The following ZNF425 variants were observed in gnomAD, a reference collection of about 807,000 sequenced individuals.
ZNF425 encodes zinc finger protein 425.
ZNF425 carries 21 observed loss-of-function variants against 17.0 expected under a neutral mutation model. That is an observed-to-expected ratio of 1.23 (90% CI 0.88 to 1.78). The LOEUF (loss-of-function observed/expected upper bound fraction) is 1.78. Among genes scored for constraint, ZNF425 ranks in the 40% most tolerant of loss-of-function variants. The pLI is 0.00. For synonymous variants in ZNF425, 433 were observed against 384.1 expected (o/e 1.13, Z -1.49); for missense variants, 868 against 967.3 (o/e 0.90, Z 1.36).
rs773589606 is a variant in ZNF425 at position 149,103,562 on chromosome 7, G to A, written c.*50C>T. The A allele has an allele frequency of 1.3e-6, 2 of 1,532,392 alleles. No homozygotes were observed. Among genetic ancestry groups the A allele is most frequent in the Middle Eastern group, 1.8e-4 (1 of 5,596 alleles). The allele number at this position is 1,532,392 out of a possible 1,614,324, so 94.9% of individuals were successfully genotyped here. A position where few individuals can be genotyped will look rare whatever the true frequency, so the allele number is the denominator to read the frequency against. ...ACCTGCCTCAACTTGAGCCAACAGA[G>A]CTGCTGGCACCTCCTGAAAGCCGAC... is the stretch of plus-strand genomic sequence containing the variant. On this transcript the variant is annotated 3_prime_UTR_variant, in exon 4 of 4. Coordinates refer to ENST00000378061, the MANE Select transcript of ZNF425 (RefSeq NM_001001661.3).
intron 2 of ZNF425, among the ~76,000 whole-genome samples, chr7:149,117,128 G>A (rs1413852293): frequency 6.6e-6 from 1 of 151,960 alleles, no homozygotes; most frequent in African/African-American, 2.4e-5. Context: ...AGCCAGCGCG[G>A]TGGCGGGCAC....
rs758153235 is a variant in ZNF425, at chr7:149,104,819, T to TG, written c.1051dup (p.Gln351ProfsTer40). The stretch of plus-strand genomic sequence containing the variant: ...GTGGAAGGGCCTCTTCCCGCTGTGC[T>TG]GGGTCAGATGGACCTTCATGCCCCT... On this transcript the variant is annotated frameshift_variant, in exon 4 of 4. Transcript: ENST00000378061. LOFTEE classifies it low-confidence loss of function (END_TRUNC). The surrounding 1 kb of genome is among the most constrained non-coding windows in gnomAD (Gnocchi z 4.3). 3.1e-6 allele frequency: 5 copies of TG among 1,613,842 alleles called. No homozygotes were observed. The South Asian group carries it at 5.5e-5, about 18-fold the overall frequency.
In ZNF425 at chr7:149,104,335, C is replaced by G. The variant is rs2129517674; in HGVS notation, c.1536G>C (p.Arg512=). ...TGTGGACCTTCAGGTGCTGCGTGAG[C>G]CGCGACTGCTGAGAAAAGGTCTTTT... The part of the protein sequence containing the change: ...ECKKTFSQQS[R]LTQHLKVHTT... Residue 512 remains arginine, a synonymous_variant, in exon 4 of 4, where the codon CGG becomes CGC. Transcript: ENST00000378061. The surrounding 1 kb of genome is among the most constrained non-coding windows in gnomAD (Gnocchi z 4.3). 5 of 1,613,184 alleles carry G rather than the reference C, an allele frequency of 3.1e-6. No individual in the cohort carries two copies. The East Asian group carries it at 1.1e-4, about 36-fold the overall frequency.
intron 2 of ZNF425, among the ~76,000 whole-genome samples, chr7:149,114,827 G>A (rs1228158095): frequency 1.3e-5 from 2 of 150,228 alleles, no homozygotes; most frequent in African/African-American, 4.9e-5. Context: ...AACTTACAGG[G>A]AGTTAAGGAG....
intron 3 of ZNF425, among the ~76,000 whole-genome samples, chr7:149,107,986 C>A (rs1826109387): frequency 6.6e-6 from 1 of 151,728 alleles, no homozygotes; most frequent in Non-Finnish European, 1.5e-5. Flanking sequence ...CAACGTTAGC[C>A]CCTACCTCCA....
At chr7:149,116,984 C>T (rs1826275102) in intron 2 of ZNF425, among the ~76,000 whole-genome samples, 1 of 152,054 alleles carries the variant, frequency 6.6e-6, no homozygotes, top group East Asian at 1.9e-4. Flanking sequence ...TTAATGAGGC[C>T]AGGCGTGGTG....
At position 149,103,295 on chromosome 7, in the gene ZNF425, C is replaced by A. The variant is rs1347934614; in HGVS notation, c.*317G>T. The A allele has an allele frequency of 1.4e-5, 4 of 291,634 alleles. No homozygotes were observed. The highest frequency in any genetic ancestry group is 2.6e-5 in the Non-Finnish European group (4 of 155,508). 18.1% of individuals were successfully genotyped at this position (291,634 alleles called of 1,614,324 possible). A position where few individuals can be genotyped will look rare whatever the true frequency, so the allele number is the denominator to read the frequency against. ...GCAGTGGTGTGAGCATGGCTCACTGCAGCCTCTGCCTCCTGGGCTCAAGCG... is the reference window on the plus strand; with the variant it reads ...GCAGTGGTGTGAGCATGGCTCACTGAAGCCTCTGCCTCCTGGGCTCAAGCG... On this transcript the variant is annotated 3_prime_UTR_variant, in exon 4 of 4. Transcript: ENST00000378061.
chr7:149,109,103 G>C (rs568376776), intron 3 of ZNF425, among the ~76,000 whole-genome samples: 3 of 148,852 alleles, frequency 2.0e-5, no homozygotes, highest in Admixed American at 2.0e-4. Context: ...TTTTGAAACG[G>C]AGTCTCGCTC....
At chr7:149,118,528 A>C in intron 1 of ZNF425, 180 bp from the exon 2 acceptor site, 3 of 723,374 alleles carry the variant, frequency 4.1e-6, no homozygotes. Flanking sequence ...AAATGAATGA[A>C]TGGGCCGGGC....
At position 149,112,146 on chromosome 7, in the gene ZNF425, G is replaced by C. The variant is rs200244523; in HGVS notation, c.295C>G (p.Leu99Val). 5 of 1,613,094 alleles carry C rather than the reference G, an allele frequency of 3.1e-6. No homozygotes were observed. Among genetic ancestry groups the C allele is most frequent in the Non-Finnish European group, 4.2e-6 (5 of 1,179,648 alleles). Residue 99 changes from leucine to valine, a missense_variant, in exon 3 of 4, where the codon CTA (leucine) becomes GTA (valine). Leu to Val is a conservative substitution (Grantham distance 32, BLOSUM62 1). Around this residue, in one of 5 missense-constraint regions of ZNF425, gnomAD observed 179 missense variants for 216.3 expected, o/e 0.83. Transcript: ENST00000378061. ...QLNMKNTGKL[L>V]CFDDEGTPRT... ...AATCCATCTTACTCACCAAAACATA[G>C]CAACTTTCCAGTATTCTTCATGTTC...
chr7:149,126,261 T>C lies in ZNF425; in HGVS notation c.-48A>G. ...CTGCCTGGCACGGCCTCCCCTCCGC[T>C]CCGCCCCAACCCAACTCCCAGGTAC... On this transcript the variant is annotated 5_prime_UTR_variant, in exon 1 of 4. Coordinates refer to ENST00000378061, the MANE Select transcript of ZNF425 (RefSeq NM_001001661.3). The C allele has an allele frequency of 6.3e-7, 1 of 1,598,910 alleles. No individual in the cohort carries two copies. The highest frequency in any genetic ancestry group is 8.5e-7 in the Non-Finnish European group (1 of 1,173,472).
intron 3 of ZNF425, among the ~76,000 whole-genome samples, chr7:149,110,231 C>A (rs1416959036): frequency 6.6e-6 from 1 of 151,860 alleles, no homozygotes; most frequent in Non-Finnish European, 1.5e-5. Context: ...GCCTCAAAGT[C>A]TCCTGCTTCA....
At chr7:149,122,687 T>A (rs571330520) in intron 1 of ZNF425, among the ~76,000 whole-genome samples, 1 of 151,828 alleles carries the variant, frequency 6.6e-6, no homozygotes, top group Non-Finnish European at 1.5e-5. Context: ...GAGACGTGGG[T>A]TTTTTGTTTT....
At chr7:149,118,649 T>C in intron 1 of ZNF425, 1 of 416,240 alleles carries the variant, frequency 2.4e-6, no homozygotes, top group East Asian at 6.9e-5. Flanking sequence ...ACCTCATCTC[T>C]ACTAAAAATT....
At chr7:149,115,100 ATTTTTTTT>A (rs71192755) in intron 2 of ZNF425, among the ~76,000 whole-genome samples, 2 of 123,894 alleles carry the variant, frequency 1.6e-5, no homozygotes, top group African/African-American at 3.1e-5. Flanking sequence ...ACGCTGGCTA[ATTTTTTTT>A]TTTTTTTTTT....
At chr7:149,123,151 G>C (rs1826388330) in intron 1 of ZNF425, among the ~76,000 whole-genome samples, 1 of 152,212 alleles carries the variant, frequency 6.6e-6, no homozygotes, top group South Asian at 2.1e-4. Context: ...ACAACCTCTA[G>C]TATGGACTGA....
Position 149,113,551 on chromosome 7 carries a change from A to ATTT in ZNF425, c.146-1259_146-1257dup, listed in dbSNP as rs774215848. The ATTT allele has an allele frequency of 3.0e-3, 391 of 129,258 alleles. 10 individuals are homozygous for ATTT. The highest frequency in any genetic ancestry group is 0.012 in the East Asian group (51 of 4,328). The allele number at this position is 129,258 out of a possible 1,614,324, so 8.0% of individuals were successfully genotyped here. A position where few individuals can be genotyped will look rare whatever the true frequency, so the allele number is the denominator to read the frequency against. On this transcript the variant is annotated intron_variant, in intron 2 of 3. Coordinates refer to ENST00000378061, the MANE Select transcript of ZNF425 (RefSeq NM_001001661.3). ...ACATAGGGAGACCCCATTCCTACAAATTTTTTTTTTTTTTTTTTGAGACGG... is the reference window on the plus strand; with the variant it reads ...ACATAGGGAGACCCCATTCCTACAAATTTTTTTTTTTTTTTTTTTTTGAGACGG...
intron 1 of ZNF425, chr7:149,125,960 C>G (rs1008474613): frequency 1.3e-6 from 1 of 797,046 alleles, no homozygotes; most frequent in Non-Finnish European, 2.0e-6. Flanking sequence ...GTGGCCGGGG[C>G]CACAGACGCG....
chr7:149,111,979 G>C, intron 3 of ZNF425, 158 bp downstream of exon 3: 3 of 658,956 alleles, frequency 4.6e-6, no homozygotes, highest in Non-Finnish European at 7.5e-6. Context: ...ACCACGCCCA[G>C]CCCACATTTG....
Sources: allele counts gnomAD v4.1 joint callset (sites outside exome capture counted in the v4.1 genomes callset), GRCh38; gene constraint gnomAD v4.1.1; regional missense constraint gnomAD v4.1.1; non-coding constraint Gnocchi (gnomAD v3.1); transcripts MANE v1.5; gene names NCBI Gene and HGNC (gene_info 2026-07-23, HGNC 2026-07-21).